The following ZNF704 variants were observed in gnomAD, a reference collection of about 807,000 sequenced individuals.
ZNF704 encodes the protein glucocorticoid induced gene 1.
A neutral mutation model predicts 44.7 loss-of-function variants in ZNF704; 10 were observed. That is an observed-to-expected ratio of 0.22 (90% CI 0.14 to 0.38). The LOEUF (loss-of-function observed/expected upper bound fraction) is 0.38, where lower values mean the gene tolerates loss of function less well. Among genes scored for constraint, ZNF704 ranks in the 10% least tolerant of loss-of-function variants. The probability of loss-of-function intolerance (pLI) is 1.00; values close to 1 mark genes in which losing one functional copy is unlikely to be tolerated. For missense variants in ZNF704, 390 were observed against 545.5 expected (o/e 0.71, Z 2.84); for synonymous variants, 211 against 207.6 (o/e 1.02, Z -0.14).
intron 4 of ZNF704, among the ~76,000 whole-genome samples, chr8:80,681,563 G>A (rs114651830): frequency 0.031 from 4,731 of 152,154 alleles, 243 homozygotes; most frequent in African/African-American, 0.11. Flanking sequence ...CTCAGGTAGA[G>A]ACAGTCAAAA....
chr8:80,824,211 A>T (rs1310235498), intron 1 of ZNF704, among the ~76,000 whole-genome samples: 1 of 152,176 alleles, frequency 6.6e-6, no homozygotes, highest in Non-Finnish European at 1.5e-5. Flanking sequence ...ACTAGAATAA[A>T]CAGTGTAAAG....
intron 2 of ZNF704, among the ~76,000 whole-genome samples, chr8:80,786,352 A>G (rs1807614147): frequency 6.6e-6 from 1 of 152,178 alleles, no homozygotes. Flanking sequence ...GGACAACCCT[A>G]AAGAGATCCA....
chr8:80,736,436 C>T (rs919836844), intron 2 of ZNF704, among the ~76,000 whole-genome samples: 4 of 152,244 alleles, frequency 2.6e-5, no homozygotes, highest in Non-Finnish European at 4.4e-5. Context: ...CGCGCCACCA[C>T]GCCCAGCTAA....
At chr8:80,867,662 C>T (rs1398290150) in intron 1 of ZNF704, among the ~76,000 whole-genome samples, 1 of 152,194 alleles carries the variant, frequency 6.6e-6, no homozygotes, top group Admixed American at 6.5e-5. Context: ...CGAGCCAACA[C>T]AGACCATTTG....
intron 5 of ZNF704, among the ~76,000 whole-genome samples, chr8:80,668,417 G>A (rs1164473777): frequency 6.6e-6 from 1 of 152,232 alleles, no homozygotes; most frequent in Non-Finnish European, 1.5e-5. Context: ...GGCGCCTGGG[G>A]AGGTGTCTTT....
intron 2 of ZNF704, among the ~76,000 whole-genome samples, chr8:80,797,198 T>C (rs1376483954): frequency 1.3e-5 from 2 of 152,206 alleles, no homozygotes; most frequent in Admixed American, 6.5e-5. Flanking sequence ...CCCCATGGCA[T>C]TCCTGGGTTC....
chr8:80,875,611 G>A (rs970109618), upstream of ZNF704, among the ~76,000 whole-genome samples: 1 of 152,146 alleles, frequency 6.6e-6, no homozygotes, highest in Admixed American at 6.5e-5. Flanking sequence ...GCCTTAAGTC[G>A]TATTTCTTAC....
intron 5 of ZNF704, among the ~76,000 whole-genome samples, chr8:80,668,046 C>CA (rs1190087998): frequency 6.6e-6 from 1 of 152,208 alleles, no homozygotes; most frequent in Non-Finnish European, 1.5e-5. Context: ...TAGGTGTTTT[C>CA]AAAGTTCCTC....
At chr8:80,742,803 T>C (rs976652301) in intron 2 of ZNF704, among the ~76,000 whole-genome samples, 3 of 151,944 alleles carry the variant, frequency 2.0e-5, no homozygotes, top group African/African-American at 7.3e-5. Flanking sequence ...AGGAAGCAGT[T>C]AGAGCGGTTG....
chr8:80,687,112 C>G, intron 4 of ZNF704, 114 bp downstream of exon 4: 1 of 831,456 alleles, frequency 1.2e-6, no homozygotes, highest in African/African-American at 1.7e-5. Context: ...TAAGCTGCTT[C>G]TTTCCACAGA....
chr8:80,672,542 A>C (rs933910746), intron 4 of ZNF704, among the ~76,000 whole-genome samples: 1 of 152,230 alleles, frequency 6.6e-6, no homozygotes, highest in Non-Finnish European at 1.5e-5. Flanking sequence ...TGAATAAATA[A>C]AATGTGTTAC....
At chr8:80,780,786 A>C (rs1386596649) in intron 2 of ZNF704, among the ~76,000 whole-genome samples, 1 of 152,088 alleles carries the variant, frequency 6.6e-6, no homozygotes, top group Non-Finnish European at 1.5e-5. Context: ...CTTTCCCTAG[A>C]CCCCCAAGAG....
chr8:80,663,406 G>A (rs1818132444), intron 6 of ZNF704, among the ~76,000 whole-genome samples: 1 of 151,806 alleles, frequency 6.6e-6, no homozygotes, highest in Non-Finnish European at 1.5e-5. Flanking sequence ...AGGAAAAAAG[G>A]GAGTTTTACC....
intron 2 of ZNF704, among the ~76,000 whole-genome samples, chr8:80,787,399 C>G (rs1187728733): frequency 1.3e-5 from 2 of 152,176 alleles, no homozygotes; most frequent in Non-Finnish European, 1.5e-5. Flanking sequence ...AGTTCTTACT[C>G]AGAAAAGCAA....
In ZNF704 at chr8:80,638,952, A is replaced by T. The variant is rs1817701280; in HGVS notation, c.*2414T>A. The T allele has an allele frequency of 6.6e-6, 1 of 152,324 alleles. No homozygotes were observed. Among genetic ancestry groups the T allele is most frequent in the South Asian group, 2.1e-4 (1 of 4,830 alleles). 9.4% of individuals were successfully genotyped at this position (152,324 alleles called of 1,614,324 possible). A position where few individuals can be genotyped will look rare whatever the true frequency, so the allele number is the denominator to read the frequency against. On this transcript the variant is annotated 3_prime_UTR_variant, in exon 9 of 9. Coordinates refer to ENST00000327835, the MANE Select transcript of ZNF704 (RefSeq NM_001033723.3). ...CTGCTTATACCTGTGCACTGGCTGA[A>T]CACCAGATAAGGACTGAGCTTGGCT...
At chr8:80,782,056 ACTG>A (rs1258345757) in intron 2 of ZNF704, among the ~76,000 whole-genome samples, 1 of 152,222 alleles carries the variant, frequency 6.6e-6, no homozygotes, top group Non-Finnish European at 1.5e-5. Flanking sequence ...TTAGGAAATT[ACTG>A]CTTAGAGAAT....
chr8:80,824,056 A>G (rs1182071075), intron 1 of ZNF704, among the ~76,000 whole-genome samples: 1 of 152,224 alleles, frequency 6.6e-6, no homozygotes, highest in Non-Finnish European at 1.5e-5. Context: ...CAGCAACAGA[A>G]CAAAGCTGGA....
intron 7 of ZNF704, among the ~76,000 whole-genome samples, chr8:80,659,196 G>A (rs541903030): frequency 3.4e-4 from 52 of 152,210 alleles, no homozygotes; most frequent in Admixed American, 1.7e-3. Context: ...AATGACATAC[G>A]TACAGAACAC....
At chr8:80,642,501 T>C (rs1025400311) in intron 8 of ZNF704, among the ~76,000 whole-genome samples, 2 of 152,214 alleles carry the variant, frequency 1.3e-5, no homozygotes, top group African/African-American at 4.8e-5. Flanking sequence ...CAGGCAGGAC[T>C]GAGCTGGATG....
Sources: allele counts gnomAD v4.1 joint callset (sites outside exome capture counted in the v4.1 genomes callset), GRCh38; gene constraint gnomAD v4.1.1; transcripts MANE v1.5; gene names NCBI Gene and HGNC (gene_info 2026-07-23, HGNC 2026-07-21).